The following HEMK2 variants were observed in gnomAD, a reference collection of about 807,000 sequenced individuals.
The protein encoded by HEMK2 is HemK methyltransferase 2, ETF1 glutamine and histone H4 lysine.
chr21:28,863,984 C>T, the HEMK2 span, among the ~76,000 whole-genome samples: 17,490 of 152,084 alleles, frequency 0.12, 1,588 homozygotes, highest in African/African-American at 0.24. Flanking sequence ...TGTACCACCA[C>T]GCCTGGCTAA....
At chr21:28,767,978 C>A in the HEMK2 span, among the ~76,000 whole-genome samples, 3 of 151,998 alleles carry the variant, frequency 2.0e-5, no homozygotes, top group African/African-American at 7.2e-5. Flanking sequence ...CAGCCTCCAA[C>A]GTGATTGTTA....
At chr21:28,620,660 C>CTTTTTTTTTTCTTT in the HEMK2 span, among the ~76,000 whole-genome samples, 1 of 49,642 alleles carries the variant, frequency 2.0e-5, no homozygotes, top group Non-Finnish European at 3.3e-5. Context: ...TCTCTCTTTT[C>CTTTTTTTTTTCTTT]TTTTTTTTTT....
At chr21:28,869,419 C>T in the HEMK2 span, among the ~76,000 whole-genome samples, 16 of 152,172 alleles carry the variant, frequency 1.1e-4, no homozygotes, top group African/African-American at 3.6e-4. Context: ...CTGTCACTTT[C>T]CTTTCTTATA....
At chr21:28,582,833 C>T in the HEMK2 span, among the ~76,000 whole-genome samples, 1 of 152,126 alleles carries the variant, frequency 6.6e-6, no homozygotes, top group African/African-American at 2.4e-5. Context: ...TATAAAAAAT[C>T]AGCCAGCAAA....
the HEMK2 span, among the ~76,000 whole-genome samples, chr21:28,837,696 A>G: frequency 6.6e-6 from 1 of 152,238 alleles, no homozygotes; most frequent in Admixed American, 6.5e-5. Context: ...CCAAGATCAG[A>G]GCAGAACTAA....
the HEMK2 span, among the ~76,000 whole-genome samples, chr21:28,877,174 GAA>G: frequency 2.3e-5 from 3 of 129,322 alleles, no homozygotes; most frequent in Admixed American, 8.2e-5. Context: ...AAGAAAGAAA[GAA>G]AGAGAGGGAG....
At chr21:28,824,196 ATTG>A in the HEMK2 span, among the ~76,000 whole-genome samples, 7 of 152,104 alleles carry the variant, frequency 4.6e-5, no homozygotes, top group East Asian at 1.9e-4. Flanking sequence ...AGCATCAGTC[ATTG>A]TTGTTGTTGT....
chr21:28,735,660 G>A, the HEMK2 span, among the ~76,000 whole-genome samples: 759 of 152,258 alleles, frequency 5.0e-3, 6 homozygotes, highest in African/African-American at 0.017. Flanking sequence ...CCTCAGTGAC[G>A]TTTTGTTGGT....
chr21:28,673,210 G>T, the HEMK2 span, among the ~76,000 whole-genome samples: 1 of 151,878 alleles, frequency 6.6e-6, no homozygotes, highest in Admixed American at 6.6e-5. Flanking sequence ...ACAGAAAGAA[G>T]AAAGGATGAA....
At chr21:28,644,368 T>A in the HEMK2 span, among the ~76,000 whole-genome samples, 1 of 152,118 alleles carries the variant, frequency 6.6e-6, no homozygotes, top group Non-Finnish European at 1.5e-5. Flanking sequence ...CCTTGACATA[T>A]GGGGATTATG....
At chr21:28,816,967 G>A in the HEMK2 span, among the ~76,000 whole-genome samples, 1 of 152,102 alleles carries the variant, frequency 6.6e-6, no homozygotes, top group African/African-American at 2.4e-5. Context: ...TCATTCAAAT[G>A]GACCATTATA....
chr21:28,723,477 T>C, the HEMK2 span, among the ~76,000 whole-genome samples: 1 of 152,340 alleles, frequency 6.6e-6, no homozygotes, highest in East Asian at 1.9e-4. Context: ...GAAGTCTCTC[T>C]GTTACTTATT....
the HEMK2 span, among the ~76,000 whole-genome samples, chr21:28,836,193 T>C: frequency 6.6e-6 from 1 of 152,130 alleles, no homozygotes; most frequent in Admixed American, 6.5e-5. Flanking sequence ...CATCAGCTTA[T>C]CCAAAGTTAA....
chr21:28,878,368 T>G, the HEMK2 span: 2 of 1,609,694 alleles, frequency 1.2e-6, no homozygotes, highest in South Asian at 2.2e-5. Context: ...TTCTTTTAAC[T>G]CAAGTTTGAT....
chr21:28,682,938 C>G, the HEMK2 span, among the ~76,000 whole-genome samples: 1 of 152,028 alleles, frequency 6.6e-6, no homozygotes, highest in Non-Finnish European at 1.5e-5. Context: ...GGAGATATAC[C>G]TAATGTTAAA....
the HEMK2 span, among the ~76,000 whole-genome samples, chr21:28,734,005 A>T: frequency 3.0e-5 from 2 of 66,416 alleles, no homozygotes; most frequent in Non-Finnish European, 5.3e-5. Context: ...AGCCATTATC[A>T]TCTTTCCTGA....
At chr21:28,770,370 T>C in the HEMK2 span, among the ~76,000 whole-genome samples, 1 of 152,106 alleles carries the variant, frequency 6.6e-6, no homozygotes, top group Non-Finnish European at 1.5e-5. Context: ...TCTTCTTAGG[T>C]TTTCCTTACC....
chr21:28,639,872 T>C, the HEMK2 span, among the ~76,000 whole-genome samples: 1 of 152,116 alleles, frequency 6.6e-6, no homozygotes, highest in African/African-American at 2.4e-5. Context: ...AATGAGCCAA[T>C]CATCCAGTAC....
chr21:28,734,327 A>G, the HEMK2 span, among the ~76,000 whole-genome samples: 1 of 152,188 alleles, frequency 6.6e-6, no homozygotes, highest in Non-Finnish European at 1.5e-5. Context: ...ACACCACTGA[A>G]ATGTTTTCAT....
Sources: allele counts gnomAD v4.1 joint callset (sites outside exome capture counted in the v4.1 genomes callset), GRCh38; gene constraint gnomAD v4.1.1; transcripts MANE v1.5; gene names NCBI Gene and HGNC (gene_info 2026-07-23, HGNC 2026-07-21).